Variants in SLAMF8 observed in about 807,000 individuals in gnomAD.
SLAMF8 encodes B lymphocyte activator macrophage expressed.
A neutral mutation model predicts 29.0 loss-of-function variants in SLAMF8; 23 were observed. The ratio of observed to expected loss-of-function variants is 0.79; its 90% confidence interval spans 0.57 to 1.13. SLAMF8 has a LOEUF of 1.13. Among genes scored for constraint, SLAMF8 ranks in the 50% most tolerant of loss-of-function variants. SLAMF8 has a pLI of 0.00. For synonymous variants in SLAMF8, 139 were observed against 145.6 expected (o/e 0.96, Z 0.32); for missense variants, 381 against 353.1 (o/e 1.08, Z -0.63).
chr1:159,836,140 G>A lies in SLAMF8; in HGVS notation c.*880G>A. 1.0e-6 allele frequency: 1 copy of A among 985,472 alleles called. No homozygotes were observed. Among genetic ancestry groups the A allele is most frequent in the African/African-American group, 1.7e-5 (1 of 57,370 alleles). The allele number at this position is 985,472 out of a possible 1,614,324, so 61.0% of individuals were successfully genotyped here. A position where few individuals can be genotyped will look rare whatever the true frequency, so the allele number is the denominator to read the frequency against. On this transcript the variant is annotated 3_prime_UTR_variant, in exon 5 of 5. Coordinates refer to ENST00000289707, the MANE Select transcript of SLAMF8 (RefSeq NM_020125.3). The stretch of plus-strand genomic sequence containing the variant: ...AGAAAAGCAGCTCAGCTCAGGATGA[G>A]TCTTCCTGCCTGAAACTGAGAGAGT...
At position 159,835,919 on chromosome 1, in the gene SLAMF8, A is replaced by T; in HGVS notation, c.*659A>T. 1 of 985,478 alleles carries T rather than the reference A, an allele frequency of 1.0e-6. No individual in the cohort carries two copies. The highest frequency in any genetic ancestry group is 1.2e-6 in the Non-Finnish European group (1 of 829,946). The allele number at this position is 985,478 out of a possible 1,614,324, so 61.0% of individuals were successfully genotyped here. On this transcript the variant is annotated 3_prime_UTR_variant, in exon 5 of 5. Transcript: ENST00000289707. ...GTTGTAGACACCGAGGATGGTTGAC[A>T]ACCCATGGTTGAGATGGGCACCGTT...
At chr1:159,830,274 A>G in intron 2 of SLAMF8, 82 bp downstream of exon 2, 9 of 1,408,896 alleles carry the variant, frequency 6.4e-6, no homozygotes, top group Non-Finnish European at 8.5e-6. Context: ...GCAGCCAGGG[A>G]GAGCTGGGTT....
At chr1:159,830,772 C>T (rs1647433235) in intron 2 of SLAMF8, among the ~76,000 whole-genome samples, 1 of 152,188 alleles carries the variant, frequency 6.6e-6, no homozygotes, top group Non-Finnish European at 1.5e-5. Context: ...AGAATTTACA[C>T]ATTTCTTAAA....
At chr1:159,833,683 A>T (rs887990141) in intron 4 of SLAMF8, among the ~76,000 whole-genome samples, 12 of 152,000 alleles carry the variant, frequency 7.9e-5, no homozygotes, top group African/African-American at 2.9e-4. Flanking sequence ...GCTATCTCAT[A>T]CTCAGTCTTC....
At chr1:159,827,866 G>A (rs1275814718) in intron 1 of SLAMF8, among the ~76,000 whole-genome samples, 4 of 150,868 alleles carry the variant, frequency 2.7e-5, no homozygotes, top group Admixed American at 2.6e-4. Flanking sequence ...ACGGAGTCTT[G>A]CTCTGTCACC....
chr1:159,831,501 G>A (rs953802919), intron 2 of SLAMF8, among the ~76,000 whole-genome samples: 1 of 143,042 alleles, frequency 7.0e-6, no homozygotes, highest in South Asian at 2.2e-4. Flanking sequence ...CAATGTCCTT[G>A]TGTAGTGAAT....
rs140685322 is a variant in SLAMF8 at position 159,830,442 on chromosome 1, C to A, written c.367+250C>A. ...CTCAGTCTTTTCTTGGCTCAGTGGC[C>A]TTGGACACAATGCTTAGCCTCCCTG... On this transcript the variant is annotated intron_variant, in intron 2 of 4. Transcript: ENST00000289707. Among the ~76,000 whole-genome samples the A allele has an allele frequency of 2.2e-4, 33 of 152,302 alleles. No homozygotes were observed. In the East Asian group the frequency reaches 6.2e-3, roughly 28 times the overall value.
chr1:159,836,772 G>A lies in SLAMF8; in HGVS notation c.*1512G>A. On this transcript the variant is annotated 3_prime_UTR_variant, in exon 5 of 5. Coordinates refer to ENST00000289707, the MANE Select transcript of SLAMF8 (RefSeq NM_020125.3). ...GATTGTTCCCAGATCCTCCCTGCCT[G>A]GCCTGCTCAGAGGTTCCCTGTTGGT... 1.0e-6 allele frequency: 1 copy of A among 985,564 alleles called. No individual in the cohort carries two copies. Among genetic ancestry groups the A allele is most frequent in the Non-Finnish European group, 1.2e-6 (1 of 830,060 alleles). 61.1% of individuals were successfully genotyped at this position (985,564 alleles called of 1,614,324 possible). A position where few individuals can be genotyped will look rare whatever the true frequency, so the allele number is the denominator to read the frequency against.
intron 4 of SLAMF8, among the ~76,000 whole-genome samples, chr1:159,834,300 A>G (rs1164516876): frequency 6.6e-6 from 1 of 152,212 alleles, no homozygotes; most frequent in Admixed American, 6.5e-5. Flanking sequence ...GGGGACAGGC[A>G]ATGCTGATTC....
intron 4 of SLAMF8, 87 bp from the exon 5 acceptor site, chr1:159,835,097 C>A: frequency 7.8e-7 from 1 of 1,289,514 alleles, no homozygotes; most frequent in Non-Finnish European, 1.1e-6. Context: ...GGCTAACACA[C>A]TGAGGATTCA....
intron 1 of SLAMF8, among the ~76,000 whole-genome samples, chr1:159,828,859 A>G (rs1647255753): frequency 6.6e-6 from 1 of 152,164 alleles, no homozygotes; most frequent in South Asian, 2.1e-4. Flanking sequence ...GGGCACTTCA[A>G]GGAGAAGCGT....
chr1:159,835,815 G>A lies in SLAMF8; in HGVS notation c.*555G>A, dbSNP rs1191243635. On this transcript the variant is annotated 3_prime_UTR_variant, in exon 5 of 5. Coordinates refer to ENST00000289707, the MANE Select transcript of SLAMF8 (RefSeq NM_020125.3). ...GTCTAGAAATAGGTGAAAGTGAGAG[G>A]TGGGGGACAGGGGTTTCTCTTTCTG... is the stretch of plus-strand genomic sequence containing the variant. 2 of 985,448 alleles carry A rather than the reference G, an allele frequency of 2.0e-6. No individual in the cohort carries two copies. The highest frequency in any genetic ancestry group is 1.7e-5 in the African/African-American group (1 of 57,228). 61.0% of individuals were successfully genotyped at this position (985,448 alleles called of 1,614,324 possible).
In SLAMF8 at chr1:159,837,490, A is replaced by G. The variant is rs1648033691; in HGVS notation, c.*2230A>G. The G allele has an allele frequency of 1.6e-5, 3 of 187,088 alleles. No homozygotes were observed. Among genetic ancestry groups the G allele is most frequent in the South Asian group, 1.8e-4 (1 of 5,650 alleles). 11.6% of individuals were successfully genotyped at this position (187,088 alleles called of 1,614,324 possible). ...GGATAATATAAATAAACAAGTAAGC[A>G]TATGTCAGATGTTGTTAGTTTCTGT... On this transcript the variant is annotated 3_prime_UTR_variant, in exon 5 of 5. Transcript: ENST00000289707.
rs963676162 is a variant in SLAMF8, at chr1:159,836,094, G to A, written c.*834G>A. ...AATACTGAATTTGCCCCAGCCAACA[G>A]GACGTTCTTGCACAACTTCAAGAAA... On this transcript the variant is annotated 3_prime_UTR_variant, in exon 5 of 5. Transcript: ENST00000289707. The A allele has an allele frequency of 7.1e-6, 7 of 985,460 alleles. No homozygotes were observed. Among genetic ancestry groups the A allele is most frequent in the Non-Finnish European group, 8.4e-6 (7 of 829,950 alleles). 61.0% of individuals were successfully genotyped at this position (985,460 alleles called of 1,614,324 possible).
chr1:159,830,034 C>T lies in SLAMF8; in HGVS notation c.209C>T (p.Thr70Ile), dbSNP rs1557888138. 1.9e-6 allele frequency: 3 copies of T among 1,613,168 alleles called. No individual in the cohort carries two copies. The highest frequency in any genetic ancestry group is 2.5e-6 in the Non-Finnish European group (3 of 1,179,084). Residue 70 changes from threonine to isoleucine, a missense_variant, in exon 2 of 5, where the codon ACT (threonine) becomes ATT (isoleucine). Thr to Ile is a moderately conservative substitution (Grantham distance 89). Transcript: ENST00000289707. ...ACGTTTTTCCGAGGCTCCCTGGAGA[C>T]TCTGTACCATTCCCGCTTCCTGGGC... ...LATFFRGSLE[T>I]LYHSRFLGRA...
At position 159,836,217 on chromosome 1, in the gene SLAMF8, T is replaced by C; in HGVS notation, c.*957T>C. 1.6e-5 allele frequency: 16 copies of C among 985,494 alleles called. No individual in the cohort carries two copies. The highest frequency in any genetic ancestry group is 1.9e-5 in the Non-Finnish European group (16 of 829,942). The allele number at this position is 985,494 out of a possible 1,614,324, so 61.0% of individuals were successfully genotyped here. On this transcript the variant is annotated 3_prime_UTR_variant, in exon 5 of 5. Coordinates refer to ENST00000289707, the MANE Select transcript of SLAMF8 (RefSeq NM_020125.3). ...GGAACATTATGGAGAGAAAGGGTAC[T>C]GAGGCACTCTAGAATCTGCCACATT...
chr1:159,829,823 G>C (rs890233197), intron 1 of SLAMF8, 43 bp from the exon 2 acceptor site: 21 of 1,551,610 alleles, frequency 1.4e-5, no homozygotes, highest in Non-Finnish European at 1.8e-5. Context: ...GAAGGATGAG[G>C]AGTGTGGGGC....
At position 159,835,466 on chromosome 1, in the gene SLAMF8, C is replaced by G. The variant is rs1235675224; in HGVS notation, c.*206C>G. 1.5e-6 allele frequency: 2 copies of G among 1,350,152 alleles called. No individual in the cohort carries two copies. The highest frequency in any genetic ancestry group is 1.9e-6 in the Non-Finnish European group (2 of 1,054,540). 83.6% of individuals were successfully genotyped at this position (1,350,152 alleles called of 1,614,324 possible). Reference sequence around the variant, plus strand: ...CGTTTCACACCTCCCCCTTCCCTCTCCCATCTTCTCATATCCTGGCTCTTC... The same window carrying G: ...CGTTTCACACCTCCCCCTTCCCTCTGCCATCTTCTCATATCCTGGCTCTTC... On this transcript the variant is annotated 3_prime_UTR_variant, in exon 5 of 5. Coordinates refer to ENST00000289707, the MANE Select transcript of SLAMF8 (RefSeq NM_020125.3).
Position 159,826,949 on chromosome 1 carries a change from C to T in SLAMF8, c.40+11C>T. The T allele has an allele frequency of 1.2e-6, 2 of 1,614,046 alleles. No homozygotes were observed. The highest frequency in any genetic ancestry group is 1.7e-6 in the Non-Finnish European group (2 of 1,180,012). ...TGCTTCTCTGGGAAGGTAAGTGGGGCAGGCAGATAGCCTGTCCTCGGAGAG... is the reference window on the plus strand; with the variant it reads ...TGCTTCTCTGGGAAGGTAAGTGGGGTAGGCAGATAGCCTGTCCTCGGAGAG... On this transcript the variant is annotated intron_variant, in intron 1 of 4. Coordinates refer to ENST00000289707, the MANE Select transcript of SLAMF8 (RefSeq NM_020125.3).
Sources: allele counts gnomAD v4.1 joint callset (sites outside exome capture counted in the v4.1 genomes callset), GRCh38; gene constraint gnomAD v4.1.1; transcripts MANE v1.5; gene names NCBI Gene and HGNC (gene_info 2026-07-23, HGNC 2026-07-21).